TGFBR3: variants seen among roughly 807,000 people sequenced by gnomAD.
TGFBR3 encodes the protein transforming growth factor beta receptor type 3.
A neutral mutation model predicts 87.9 loss-of-function variants in TGFBR3; 46 were observed. The ratio of observed to expected loss-of-function variants is 0.52; its 90% confidence interval spans 0.41 to 0.67. TGFBR3 has a LOEUF of 0.67. Ranked by LOEUF, TGFBR3 falls within the 30% of genes least tolerant of loss-of-function variation. The pLI, the probability that TGFBR3 is intolerant of heterozygous loss-of-function variation, is 0.00. For synonymous variants in TGFBR3, 381 were observed against 391.6 expected (o/e 0.97, Z 0.32); for missense variants, 866 against 1,041.9 (o/e 0.83, Z 2.32).
intron 1 of TGFBR3, among the ~76,000 whole-genome samples, chr1:91,880,625 A>T (rs1679046139): frequency 6.6e-6 from 1 of 152,070 alleles, no homozygotes; most frequent in Non-Finnish European, 1.5e-5. Context: ...AAATAAAAAT[A>T]TAAGAAAAAT....
At chr1:91,896,026 A>G (rs1032600885) in intron 2 of TGFBR3, among the ~76,000 whole-genome samples, 3 of 152,178 alleles carry the variant, frequency 2.0e-5, no homozygotes, top group African/African-American at 4.8e-5. Context: ...AACAATGTTG[A>G]TAGTTCTGGT....
At chr1:91,893,367 C>T (rs1178617555) in intron 2 of TGFBR3, among the ~76,000 whole-genome samples, 1 of 152,000 alleles carries the variant, frequency 6.6e-6, no homozygotes, top group Non-Finnish European at 1.5e-5. Flanking sequence ...CCACTACAAC[C>T]TTCACCTCCC....
rs543964980 is a variant in TGFBR3 at position 91,702,228 on chromosome 1, T to A, written c.2288-4098A>T. Among the ~76,000 whole-genome samples the A allele has an allele frequency of 2.0e-5, 3 of 152,342 alleles. No homozygotes were observed. In the East Asian group the frequency reaches 5.8e-4, roughly 29 times the overall value. The stretch of plus-strand genomic sequence containing the variant: ...GGCTGTAAAGGCCTTAAAGACAAGA[T>A]AATTTGTCCACTATACACCTACCAT... On this transcript the variant is annotated intron_variant, in intron 14 of 16. Coordinates refer to ENST00000212355, the MANE Select transcript of TGFBR3 (RefSeq NM_003243.5).
At chr1:91,694,136 T>G (rs1425197945) in intron 16 of TGFBR3, among the ~76,000 whole-genome samples, 1 of 152,110 alleles carries the variant, frequency 6.6e-6, no homozygotes, top group Non-Finnish European at 1.5e-5. Flanking sequence ...GGACAAGAGA[T>G]GCACACCACC....
At chr1:91,773,169 A>G (rs1433219533) in intron 3 of TGFBR3, among the ~76,000 whole-genome samples, 1 of 152,186 alleles carries the variant, frequency 6.6e-6, no homozygotes, top group Non-Finnish European at 1.5e-5. Context: ...ACTTGAGGAC[A>G]AGAGTTTGAG....
At chr1:91,820,318 T>C (rs10874981) in intron 2 of TGFBR3, among the ~76,000 whole-genome samples, 81,052 of 151,916 alleles carry the variant, frequency 0.53, 21,771 homozygotes, top group Middle Eastern at 0.64. Flanking sequence ...CATAACAACA[T>C]CACTGTTATG....
intron 2 of TGFBR3, among the ~76,000 whole-genome samples, chr1:91,804,368 A>G (rs1187166970): frequency 6.6e-6 from 1 of 151,956 alleles, no homozygotes; most frequent in Non-Finnish European, 1.5e-5. Context: ...ACAATCCTCT[A>G]TCTCTCCGTT....
At chr1:91,773,078 T>C (rs1571495134) in intron 3 of TGFBR3, among the ~76,000 whole-genome samples, 1 of 152,172 alleles carries the variant, frequency 6.6e-6, no homozygotes, top group Non-Finnish European at 1.5e-5. Context: ...TCCTGACATA[T>C]CATTCATTTT....
At chr1:91,758,026 C>G (rs1322684829) in intron 4 of TGFBR3, among the ~76,000 whole-genome samples, 2 of 152,210 alleles carry the variant, frequency 1.3e-5, no homozygotes, top group African/African-American at 4.8e-5. Context: ...TTCTCCACAA[C>G]TAGCACACTT....
chr1:91,690,235 GAATAGTTCTCTAC>G (rs924489497), intron 16 of TGFBR3, among the ~76,000 whole-genome samples: 2 of 152,168 alleles, frequency 1.3e-5, no homozygotes, highest in African/African-American at 4.8e-5. Context: ...ATGAGAAGCA[GAATAGTTCTCTAC>G]ATTTCCTCCC....
At chr1:91,890,920 CG>C (rs1164473988), upstream of TGFBR3, among the ~76,000 whole-genome samples, 1 of 149,320 alleles carries the variant, frequency 6.7e-6, no homozygotes, top group Non-Finnish European at 1.5e-5. Flanking sequence ...TTTTTTGAAA[CG>C]GAGTCTTGCA....
At chr1:91,696,567 G>A (rs942807056) in intron 15 of TGFBR3, among the ~76,000 whole-genome samples, 1 of 152,080 alleles carries the variant, frequency 6.6e-6, no homozygotes, top group Non-Finnish European at 1.5e-5. Flanking sequence ...TTAATTCCAG[G>A]CCCCAGAAAT....
chr1:91,790,816 T>TA (rs1304254632), intron 3 of TGFBR3, among the ~76,000 whole-genome samples: 1 of 152,214 alleles, frequency 6.6e-6, no homozygotes, highest in Non-Finnish European at 1.5e-5. Flanking sequence ...GCTAGTTTAA[T>TA]GTTTTTGCTC....
chr1:91,720,436 C>T (rs770823721), intron 8 of TGFBR3, among the ~76,000 whole-genome samples: 13 of 152,186 alleles, frequency 8.5e-5, no homozygotes, highest in East Asian at 1.9e-4. Flanking sequence ...TTTAGGCAAG[C>T]GGCTTGCTTC....
chr1:91,768,860 T>A (rs771760463), intron 3 of TGFBR3, among the ~76,000 whole-genome samples: 4 of 152,124 alleles, frequency 2.6e-5, no homozygotes, highest in Non-Finnish European at 5.9e-5. Context: ...GACTAATACA[T>A]GAATCAACAC....
In TGFBR3 at chr1:91,735,026, G is replaced by C. The variant is rs1672914886; in HGVS notation, c.385-67C>G. ...CGGAGCTGAATCATAATTAGAGAAA[G>C]TACTTCTCAAATCGAAGTGCTTGTA... On this transcript the variant is annotated intron_variant, in intron 4 of 16. Coordinates refer to ENST00000212355, the MANE Select transcript of TGFBR3 (RefSeq NM_003243.5). The C allele has an allele frequency of 3.0e-5, 48 of 1,578,210 alleles. No homozygotes were observed. The South Asian group carries it at 4.4e-4, about 15-fold the overall frequency.
Position 91,683,680 on chromosome 1 carries a change from T to A in TGFBR3, c.*59A>T. On this transcript the variant is annotated 3_prime_UTR_variant, in exon 17 of 17. Coordinates refer to ENST00000212355, the MANE Select transcript of TGFBR3 (RefSeq NM_003243.5). Reference sequence around the variant, plus strand: ...GAGGCTCAGCCATTGGTCCTGCCCTTGGCAGTAGCTGAGCTGAGCTGGGCT... The same window carrying A: ...GAGGCTCAGCCATTGGTCCTGCCCTAGGCAGTAGCTGAGCTGAGCTGGGCT... The A allele has an allele frequency of 1.5e-6, 2 of 1,371,710 alleles. No individual in the cohort carries two copies. The highest frequency in any genetic ancestry group is 2.0e-6 in the Non-Finnish European group (2 of 1,008,754). The allele number at this position is 1,371,710 out of a possible 1,614,324, so 85.0% of individuals were successfully genotyped here. A position where few individuals can be genotyped will look rare whatever the true frequency, so the allele number is the denominator to read the frequency against.
At chr1:91,878,886 A>G (rs1051149236) in intron 1 of TGFBR3, among the ~76,000 whole-genome samples, 7 of 152,246 alleles carry the variant, frequency 4.6e-5, no homozygotes, top group African/African-American at 1.7e-4. Context: ...AATGTCCAGA[A>G]AGTATACGCT....
chr1:91,882,731 C>T (rs755241579), intron 1 of TGFBR3, among the ~76,000 whole-genome samples: 11 of 151,820 alleles, frequency 7.2e-5, no homozygotes, highest in Non-Finnish European at 1.5e-4. Context: ...GGCGACAGAG[C>T]GAGAGACTCC....
Sources: gnomAD v4.1 joint callset for allele counts (sites outside exome capture counted in the v4.1 genomes callset) on GRCh38, gnomAD v4.1.1 for gene constraint, MANE v1.5 for transcripts, NCBI Gene and HGNC (gene_info 2026-07-23, HGNC 2026-07-21) for gene names.